Variants in SH3PXD2A observed in about 807,000 individuals in gnomAD.
SH3PXD2A encodes SH3 and PX domains 2A, also known as SH3 and PX domain-containing protein 2A.
In SH3PXD2A, 32 loss-of-function variants were observed where a neutral mutation model predicts 115.2. That is an observed-to-expected ratio of 0.28 (90% CI 0.21 to 0.37). The LOEUF (loss-of-function observed/expected upper bound fraction) is 0.37, where lower values mean the gene tolerates loss of function less well. SH3PXD2A is among the 10% of genes least tolerant of loss of function. The probability of loss-of-function intolerance (pLI) is 1.00; values close to 1 mark genes in which losing one functional copy is unlikely to be tolerated. For synonymous variants in SH3PXD2A, 610 were observed against 629.1 expected, an observed-to-expected ratio of 0.97 and a Z score of 0.45; for missense variants, 1,328 against 1,498.7, an observed-to-expected ratio of 0.89 and a Z score of 1.88.
At chr10:103,835,795 T>C (rs530500261) in intron 1 of SH3PXD2A, among the ~76,000 whole-genome samples, 14 of 152,302 alleles carry the variant, frequency 9.2e-5, no homozygotes, top group Admixed American at 2.6e-4. Context: ...CTATAGTTCA[T>C]GCAGCCAGGC....
chr10:103,783,392 T>C (rs1292315176), intron 2 of SH3PXD2A, among the ~76,000 whole-genome samples: 1 of 152,060 alleles, frequency 6.6e-6, no homozygotes, highest in Non-Finnish European at 1.5e-5. Flanking sequence ...GATGCGGGGC[T>C]GGACCACGGT....
At chr10:103,678,025 C>T (rs1334263745) in intron 6 of SH3PXD2A, 5 of 883,504 alleles carry the variant, frequency 5.7e-6, no homozygotes, top group Non-Finnish European at 8.1e-6. Flanking sequence ...CCCTGAAGGG[C>T]GTTGGCTCCC....
rs80048471 is a variant in SH3PXD2A at position 103,849,370 on chromosome 10, C to T, written c.72+5825G>A. ...GGTTGTTATGAGGTTCAAGTAAAATCGCCTCTAAAGGCATCTTCTGCATTG... is the reference window on the plus strand; with the variant it reads ...GGTTGTTATGAGGTTCAAGTAAAATTGCCTCTAAAGGCATCTTCTGCATTG... On this transcript the variant is annotated intron_variant, in intron 1 of 14. Coordinates refer to ENST00000369774, the MANE Select transcript of SH3PXD2A (RefSeq NM_001394015.1). Among the ~76,000 whole-genome samples the T allele has an allele frequency of 3.2e-3, 488 of 152,350 alleles. 1 individual carries two copies. The highest frequency in any genetic ancestry group is 8.1e-3 in the African/African-American group (337 of 41,586).
rs183004308 is a variant in SH3PXD2A, at chr10:103,783,972, G to C, written c.154-16803C>G. ...TGGGGGAAAAACTGCCTCCTGCCAG[G>C]GACCTGGGAATGCAACAGGAAAAGT... is the stretch of plus-strand genomic sequence containing the variant. On this transcript the variant is annotated intron_variant, in intron 2 of 14. Coordinates refer to ENST00000369774, the MANE Select transcript of SH3PXD2A (RefSeq NM_001394015.1). Among the ~76,000 whole-genome samples the C allele has an allele frequency of 1.4e-3, 220 of 152,308 alleles. 9 individuals are homozygous for C. In the East Asian group the frequency reaches 0.032, roughly 22 times the overall value.
intron 5 of SH3PXD2A, among the ~76,000 whole-genome samples, chr10:103,705,241 C>T (rs989981926): frequency 3.9e-5 from 6 of 152,082 alleles, no homozygotes; most frequent in Admixed American, 1.3e-4. Context: ...CCCGAGGTCC[C>T]GGAGCAGGCT....
chr10:103,765,368 G>A (rs2038743879), intron 3 of SH3PXD2A, among the ~76,000 whole-genome samples: 1 of 152,194 alleles, frequency 6.6e-6, no homozygotes. Flanking sequence ...TCCCTCTCCA[G>A]TCACCCTCAA....
At chr10:103,854,813 T>C (rs545691403) in intron 1 of SH3PXD2A, among the ~76,000 whole-genome samples, 1 of 152,194 alleles carries the variant, frequency 6.6e-6, no homozygotes, top group East Asian at 1.9e-4. Context: ...CATCTCGGGC[T>C]GTGTGAGCGT....
intron 8 of SH3PXD2A, among the ~76,000 whole-genome samples, chr10:103,651,795 C>T (rs553397465): frequency 1.3e-5 from 2 of 152,356 alleles, no homozygotes; most frequent in Admixed American, 6.5e-5. Context: ...GAGCAGGCAT[C>T]TCTCCAGGTG....
At chr10:103,731,909 T>C (rs1258896434) in intron 4 of SH3PXD2A, among the ~76,000 whole-genome samples, 1 of 152,190 alleles carries the variant, frequency 6.6e-6, no homozygotes, top group Non-Finnish European at 1.5e-5. Context: ...TGACCTCTTG[T>C]TGGGCTCAGA....
chr10:103,596,100 A>T lies in SH3PXD2A; in HGVS notation c.*5716T>A, dbSNP rs2036127849. On this transcript the variant is annotated 3_prime_UTR_variant, in exon 15 of 15. Transcript: ENST00000369774. Reference sequence around the variant, plus strand: ...TGGCCCTGCAGTTGGGACTAAACTTATATGCACCTGCAGGTCTTGTTGGGT... The same window carrying T: ...TGGCCCTGCAGTTGGGACTAAACTTTTATGCACCTGCAGGTCTTGTTGGGT... 1.3e-5 allele frequency: 2 copies of T among 152,144 alleles called. No homozygotes were observed. The highest frequency in any genetic ancestry group is 1.3e-4 in the Admixed American group (2 of 15,278). The allele number at this position is 152,144 out of a possible 1,614,324, so 9.4% of individuals were successfully genotyped here.
chr10:103,621,913 TG>T (rs1194369263), intron 10 of SH3PXD2A, among the ~76,000 whole-genome samples: 5 of 152,250 alleles, frequency 3.3e-5, no homozygotes, highest in African/African-American at 1.2e-4. Flanking sequence ...CCTGTTGGGC[TG>T]CACCCTGATG....
chr10:103,722,703 G>A (rs1205805637), intron 5 of SH3PXD2A, among the ~76,000 whole-genome samples: 1 of 151,860 alleles, frequency 6.6e-6, no homozygotes, highest in East Asian at 1.9e-4. Flanking sequence ...ACCACAGGAA[G>A]GCTTGGGGAA....
In SH3PXD2A at chr10:103,622,511, C is replaced by A. The variant is rs578015462; in HGVS notation, c.761G>T (p.Arg254Leu). 1.3e-6 allele frequency: 2 copies of A among 1,550,338 alleles called. No individual in the cohort carries two copies. Among genetic ancestry groups the A allele is most frequent in the Admixed American group, 2.0e-5 (1 of 50,998 alleles). Residue 254 changes from arginine (R) to leucine (L), a missense_variant, in exon 10 of 15, where the codon CGG becomes CTG. Around this residue, in one of 5 missense-constraint regions of SH3PXD2A, gnomAD observed 509 missense variants for 628.3 expected, o/e 0.81. Coordinates refer to ENST00000369774, the MANE Select transcript of SH3PXD2A (RefSeq NM_001394015.1). ...GTTGACCATCCCGCCCAGGGTCCAC[C>A]GGCGATCCAGGCGCCGCAGATGGGC... ...RKAHLRRLDRRWTLGGMVNRQ... is the reference protein window; with the variant it reads ...RKAHLRRLDRLWTLGGMVNRQ...
At chr10:103,801,081 A>G (rs1220003115) in intron 2 of SH3PXD2A, among the ~76,000 whole-genome samples, 2 of 152,290 alleles carry the variant, frequency 1.3e-5, no homozygotes, top group South Asian at 4.1e-4. Context: ...GGAGGCCAAC[A>G]AAGTCCTGAG....
intron 5 of SH3PXD2A, among the ~76,000 whole-genome samples, chr10:103,718,774 C>CAA: frequency 6.6e-6 from 1 of 150,938 alleles, no homozygotes; most frequent in Non-Finnish European, 1.5e-5. Context: ...CACACACACA[C>CAA]ACACACACAC....
intron 1 of SH3PXD2A, among the ~76,000 whole-genome samples, chr10:103,805,936 A>AC (rs1316769412): frequency 1.3e-5 from 2 of 152,116 alleles, no homozygotes; most frequent in Non-Finnish European, 2.9e-5. Context: ...CTAAAGATAC[A>AC]CCCCGCTGGA....
At chr10:103,737,779 T>C (rs1464906817) in intron 3 of SH3PXD2A, among the ~76,000 whole-genome samples, 2 of 152,124 alleles carry the variant, frequency 1.3e-5, no homozygotes, top group Admixed American at 6.6e-5. Flanking sequence ...CAGCCTTTGG[T>C]AGGCAGAAGT....
chr10:103,671,768 G>C (rs558282989), intron 6 of SH3PXD2A, among the ~76,000 whole-genome samples: 6 of 152,128 alleles, frequency 3.9e-5, no homozygotes, highest in Non-Finnish European at 8.8e-5. Flanking sequence ...AAGGAGCAGT[G>C]GGGGGGAGGC....
At chr10:103,611,768 T>G (rs2036432803) in intron 12 of SH3PXD2A, 138 bp from the exon 13 acceptor site, 1 of 730,318 alleles carries the variant, frequency 1.4e-6, no homozygotes, top group Non-Finnish European at 2.5e-6. Context: ...GACTTGACAC[T>G]CTAAGTCACT....
Sources: allele counts gnomAD v4.1 joint callset (sites outside exome capture counted in the v4.1 genomes callset), GRCh38; gene constraint gnomAD v4.1.1; regional missense constraint gnomAD v4.1.1; transcripts MANE v1.5; gene names NCBI Gene and HGNC (gene_info 2026-07-23, HGNC 2026-07-21).